GNA12: variants seen among roughly 807,000 people sequenced by gnomAD.
GNA12 encodes G protein subunit alpha 12.
A neutral mutation model predicts 26.0 loss-of-function variants in GNA12; 9 were observed. The observed-to-expected ratio is 0.35, with a 90% confidence interval of 0.21 to 0.60. The LOEUF is 0.60. Among genes scored for constraint, GNA12 ranks in the 20% least tolerant of loss-of-function variants. GNA12 has a pLI of 0.78. For synonymous variants in GNA12, 264 were observed against 219.6 expected, an observed-to-expected ratio of 1.20 and a Z score of -1.79; for missense variants, 405 against 525.8, an observed-to-expected ratio of 0.77 and a Z score of 2.25.
intron 2 of GNA12, among the ~76,000 whole-genome samples, chr7:2,789,426 C>T (rs147945007): frequency 0.011 from 1,692 of 148,830 alleles, 25 homozygotes; most frequent in Middle Eastern, 0.055. Context: ...TGAGCCACCG[C>T]GCCCGGCCCC....
At chr7:2,791,540 A>G (rs191115431) in intron 2 of GNA12, among the ~76,000 whole-genome samples, 122 of 152,314 alleles carry the variant, frequency 8.0e-4, no homozygotes, top group African/African-American at 2.9e-3. Flanking sequence ...AAGACGGCAG[A>G]GGGAACAGGG....
chr7:2,764,132 G>A (rs903540260), intron 2 of GNA12, among the ~76,000 whole-genome samples: 3 of 152,040 alleles, frequency 2.0e-5, no homozygotes, highest in Non-Finnish European at 4.4e-5. Flanking sequence ...GGGCCGTGGT[G>A]CAATCATGGC....
chr7:2,794,366 G>A (rs527598986), intron 2 of GNA12, among the ~76,000 whole-genome samples: 11 of 152,122 alleles, frequency 7.2e-5, no homozygotes, highest in African/African-American at 2.4e-4. Context: ...GGTTAATTTT[G>A]AAAGGTAGAA....
chr7:2,843,818 C>T (rs1235004172), intron 1 of GNA12, 35 bp downstream of exon 1: 24 of 1,303,548 alleles, frequency 1.8e-5, no homozygotes, highest in Non-Finnish European at 2.3e-5. Flanking sequence ...CCCGGCCCAC[C>T]TGGGTGCAGG....
At chr7:2,787,929 G>C (rs1792405911) in intron 2 of GNA12, among the ~76,000 whole-genome samples, 1 of 152,214 alleles carries the variant, frequency 6.6e-6, no homozygotes, top group African/African-American at 2.4e-5. Context: ...CAAGGCAGGA[G>C]GATCACCTGA....
At chr7:2,793,269 C>A (rs1456774248) in intron 2 of GNA12, among the ~76,000 whole-genome samples, 1 of 146,942 alleles carries the variant, frequency 6.8e-6, no homozygotes, top group African/African-American at 2.7e-5. Flanking sequence ...AGGCCAGGAT[C>A]CAGCAGACAG....
chr7:2,773,396 C>T (rs1363165360), intron 2 of GNA12, among the ~76,000 whole-genome samples: 1 of 152,200 alleles, frequency 6.6e-6, no homozygotes, highest in East Asian at 1.9e-4. Context: ...AACCCCTTCT[C>T]TACTAAAATA....
Position 2,804,906 on chromosome 7 carries a change from TA to T in GNA12, c.310-9764del, listed in dbSNP as rs34095388. Among the ~76,000 whole-genome samples the T allele has an allele frequency of 3.9e-4, 58 of 148,552 alleles. No homozygotes were observed. The Middle Eastern group carries it at 0.01, about 26-fold the overall frequency. On this transcript the variant is annotated intron_variant, in intron 1 of 3. Transcript: ENST00000275364. Reference sequence around the variant, plus strand: ...AGACCCTATCTCTATTAAAATAAATTAAAAAAAAAAAGATATTGAAGAGGAT... The same window carrying T: ...AGACCCTATCTCTATTAAAATAAATTAAAAAAAAAAGATATTGAAGAGGAT...
intron 1 of GNA12, among the ~76,000 whole-genome samples, chr7:2,839,730 G>A (rs921396478): frequency 4.6e-5 from 7 of 152,180 alleles, no homozygotes; most frequent in Non-Finnish European, 8.8e-5. Context: ...GAACAGAGGC[G>A]GGGCACGGCG....
At chr7:2,744,246 T>C (rs1397707396) in intron 2 of GNA12, among the ~76,000 whole-genome samples, 1 of 152,076 alleles carries the variant, frequency 6.6e-6, no homozygotes, top group African/African-American at 2.4e-5. Context: ...TGACCCTGAG[T>C]AGCCTAACTG....
intron 1 of GNA12, among the ~76,000 whole-genome samples, chr7:2,821,430 T>A (rs1390880007): frequency 6.6e-6 from 1 of 152,188 alleles, no homozygotes; most frequent in East Asian, 1.9e-4. Flanking sequence ...CGCAGAGAAA[T>A]CACGGCCAGG....
At chr7:2,779,738 C>T (rs1792173679) in intron 2 of GNA12, among the ~76,000 whole-genome samples, 1 of 151,760 alleles carries the variant, frequency 6.6e-6, no homozygotes, top group Admixed American at 6.6e-5. Flanking sequence ...GGCTGGATTA[C>T]AGACATGTAC....
intron 2 of GNA12, among the ~76,000 whole-genome samples, chr7:2,780,202 C>T (rs1444269752): frequency 1.3e-5 from 2 of 151,212 alleles, no homozygotes; most frequent in Non-Finnish European, 2.9e-5. Flanking sequence ...AGAGTTCTCT[C>T]TCAGCTTTTC....
At chr7:2,832,879 T>C (rs986266790) in intron 1 of GNA12, among the ~76,000 whole-genome samples, 4 of 152,180 alleles carry the variant, frequency 2.6e-5, no homozygotes, top group African/African-American at 9.7e-5. Flanking sequence ...TGCTTCTCTG[T>C]CCTCTGGATG....
chr7:2,770,229 A>C (rs1251700391), intron 2 of GNA12, among the ~76,000 whole-genome samples: 1 of 152,242 alleles, frequency 6.6e-6, no homozygotes, highest in Admixed American at 6.5e-5. Flanking sequence ...CTTGCCCTGG[A>C]GAGTCCCAAT....
intron 2 of GNA12, among the ~76,000 whole-genome samples, chr7:2,789,739 C>T (rs1482707334): frequency 6.6e-6 from 1 of 152,200 alleles, no homozygotes; most frequent in Non-Finnish European, 1.5e-5. Context: ...ACAGCATCTC[C>T]CTGGCCATGT....
chr7:2,744,508 A>T lies in GNA12; in HGVS notation c.526-11007T>A, dbSNP rs1399797899. Among the ~76,000 whole-genome samples the T allele has an allele frequency of 2.6e-5, 4 of 152,306 alleles. 1 individual carries two copies. The highest frequency in any genetic ancestry group is 9.6e-5 in the African/African-American group (4 of 41,562). ...AAACAGGAAGGACATCCACACCAAA[A>T]ACCCATCTGTACGTCACCATCATCA... On this transcript the variant is annotated intron_variant, in intron 2 of 3. Coordinates refer to ENST00000275364, the MANE Select transcript of GNA12 (RefSeq NM_007353.3).
In GNA12 at chr7:2,826,524, C is replaced by G. The variant is rs150396121; in HGVS notation, c.309+17329G>C. 4.6e-3 allele frequency among the ~76,000 whole-genome samples: 701 copies of G among 152,232 alleles called. 8 individuals carry two copies. The highest frequency in any genetic ancestry group is 0.016 in the African/African-American group (661 of 41,524). On this transcript the variant is annotated intron_variant, in intron 1 of 3. Transcript: ENST00000275364. ...ACAGCTTTATTCATAAGTGCCAAAA[C>G]TTAGGAGTCACCAAAATGTCCTTCA...
chr7:2,838,952 C>T (rs760319611), intron 1 of GNA12, among the ~76,000 whole-genome samples: 1 of 152,202 alleles, frequency 6.6e-6, no homozygotes, highest in Non-Finnish European at 1.5e-5. Context: ...GTTGAGGACT[C>T]TTAACTGACA....
Sources: gnomAD v4.1 joint callset for allele counts (sites outside exome capture counted in the v4.1 genomes callset) on GRCh38, gnomAD v4.1.1 for gene constraint, MANE v1.5 for transcripts, NCBI Gene and HGNC (gene_info 2026-07-23, HGNC 2026-07-21) for gene names.